The following CDH4 variants were observed in gnomAD, a reference collection of about 807,000 sequenced individuals.
The protein encoded by CDH4 is cadherin 4.
Under a neutral mutation model 86.0 loss-of-function variants are expected in CDH4, and 33 were observed. That is an observed-to-expected ratio of 0.38 (90% CI 0.29 to 0.51). The LOEUF is 0.51. CDH4 is among the 20% of genes least tolerant of loss of function. The pLI, the probability that CDH4 is intolerant of heterozygous loss-of-function variation, is 0.86. For missense variants in CDH4, 1,114 were observed against 1,307.4 expected, an observed-to-expected ratio of 0.85 and a Z score of 2.28; for synonymous variants, 555 against 549.4, an observed-to-expected ratio of 1.01 and a Z score of -0.14.
At chr20:61,719,249 C>T (rs894132401) in intron 2 of CDH4, 2 of 395,172 alleles carry the variant, frequency 5.1e-6, no homozygotes, top group African/African-American at 4.2e-5. Context: ...AGGATGCAAG[C>T]CACTGTTTAG....
In CDH4 at chr20:61,292,111, G is replaced by T. The variant is rs1268588815; in HGVS notation, c.169+37174G>T. Among the ~76,000 whole-genome samples, 5 of 152,160 alleles carry T rather than the reference G, an allele frequency of 3.3e-5. No individual in the cohort carries two copies. The East Asian group carries it at 9.6e-4, about 29-fold the overall frequency. The stretch of plus-strand genomic sequence containing the variant: ...ATAGCTCAAAGCAGAACTACCACTT[G>T]ATCCAGCAATCCCACTACTGGATAT... On this transcript the variant is annotated intron_variant, in intron 2 of 15. Coordinates refer to ENST00000614565, the MANE Select transcript of CDH4 (RefSeq NM_001794.5).
intron 5 of CDH4, among the ~76,000 whole-genome samples, chr20:61,850,765 C>T (rs1982682462): frequency 6.6e-6 from 1 of 152,248 alleles, no homozygotes; most frequent in African/African-American, 2.4e-5. Flanking sequence ...GGTGAGGTCA[C>T]CTCTCTCAGG....
At chr20:61,492,184 G>T (rs555774078) in intron 2 of CDH4, among the ~76,000 whole-genome samples, 1 of 150,286 alleles carries the variant, frequency 6.7e-6, no homozygotes, top group South Asian at 2.1e-4. Flanking sequence ...GTTGATATTG[G>T]TGGTGTTGAT....
chr20:61,366,586 C>T (rs544489928), intron 2 of CDH4, among the ~76,000 whole-genome samples: 1 of 152,348 alleles, frequency 6.6e-6, no homozygotes, highest in South Asian at 2.1e-4. Flanking sequence ...AAAAGTACCC[C>T]TTATGGGAAA....
At chr20:61,933,216 A>G in intron 14 of CDH4, 92 bp downstream of exon 14, 1 of 1,480,164 alleles carries the variant, frequency 6.8e-7, no homozygotes, top group Non-Finnish European at 9.2e-7. Flanking sequence ...GTTTAACAGT[A>G]AGACATTTCA....
Position 61,517,668 on chromosome 20 carries a change from A to C in CDH4, c.170-225895A>C, listed in dbSNP as rs2085832031. ...AGAATGACGGCAGCGCCGCTGTAGG[A>C]CCATGGAGGGAATGAACAAGGAGGG... On this transcript the variant is annotated intron_variant, in intron 2 of 15. Transcript: ENST00000614565. This position sits in a 1 kb window ranked among gnomAD's most constrained non-coding sequence, Gnocchi z 6.6. Among the ~76,000 whole-genome samples the C allele has an allele frequency of 6.7e-6, 1 of 150,340 alleles. No homozygotes were observed. The highest frequency in any genetic ancestry group is 6.6e-5 in the Admixed American group (1 of 15,124).
chr20:61,429,895 C>T (rs940524003), intron 2 of CDH4, among the ~76,000 whole-genome samples: 2 of 152,208 alleles, frequency 1.3e-5, no homozygotes, highest in Admixed American at 1.3e-4. Flanking sequence ...TGTAGCCTTC[C>T]TCTGGCTGGA....
Position 61,742,480 on chromosome 20 carries a change from A to G in CDH4, c.170-1083A>G, listed in dbSNP as rs1459735268. On this transcript the variant is annotated intron_variant, in intron 2 of 15. Transcript: ENST00000614565. ...GAGGGGAAAACACTTTATCTAATGT[A>G]ACAGTGAGTCGCTTTTTTTGGTTTC... is the stretch of plus-strand genomic sequence containing the variant. Among the ~76,000 whole-genome samples the G allele has an allele frequency of 2.6e-5, 4 of 152,226 alleles. No homozygotes were observed. In the East Asian group the frequency reaches 7.7e-4, roughly 29 times the overall value.
intron 3 of CDH4, among the ~76,000 whole-genome samples, chr20:61,753,949 G>T (rs548057572): frequency 2.1e-4 from 32 of 152,300 alleles, no homozygotes; most frequent in African/African-American, 7.2e-4. Context: ...TAGTGAAGAA[G>T]AAGTGATTAG....
In CDH4 at chr20:61,521,242, C is replaced by T. The variant is rs1176294751; in HGVS notation, c.170-222321C>T. On this transcript the variant is annotated intron_variant, in intron 2 of 15. Transcript: ENST00000614565. ...TCCTGCCAGATAGGCCCATTGGGAG[C>T]GGGTCTGTGCTCACAGCCTCCTCCA... 6.6e-5 allele frequency among the ~76,000 whole-genome samples: 10 copies of T among 152,176 alleles called. No homozygotes were observed. In the East Asian group the frequency reaches 9.6e-4, roughly 15 times the overall value.
At chr20:61,513,726 G>T (rs2085796988) in intron 2 of CDH4, among the ~76,000 whole-genome samples, 1 of 152,210 alleles carries the variant, frequency 6.6e-6, no homozygotes, top group African/African-American at 2.4e-5. Context: ...CAAGGAAGCT[G>T]TAACCAGCTG....
chr20:61,388,145 G>T (rs2084962336), intron 2 of CDH4, among the ~76,000 whole-genome samples: 1 of 152,184 alleles, frequency 6.6e-6, no homozygotes, highest in Admixed American at 6.5e-5. Flanking sequence ...AGACGGCAGG[G>T]CTGGCTGTTT....
At chr20:61,652,274 C>T (rs1321346668) in intron 2 of CDH4, among the ~76,000 whole-genome samples, 4 of 152,236 alleles carry the variant, frequency 2.6e-5, no homozygotes, top group Admixed American at 2.6e-4. Context: ...GTTCCTTCCA[C>T]CCTCTTACTC....
intron 11 of CDH4, among the ~76,000 whole-genome samples, chr20:61,926,269 C>T (rs189740340): frequency 4.6e-5 from 7 of 152,318 alleles, no homozygotes; most frequent in Admixed American, 2.0e-4. Context: ...AGTTAGGAAA[C>T]GGTGTGTGCA....
intron 2 of CDH4, among the ~76,000 whole-genome samples, chr20:61,686,431 A>G (rs1028192885): frequency 2.8e-5 from 4 of 144,866 alleles, no homozygotes; most frequent in Middle Eastern, 4.0e-3. Context: ...TTGCGTGTGT[A>G]TGTGCGTGTG....
intron 7 of CDH4, among the ~76,000 whole-genome samples, chr20:61,889,853 G>GGATGGATGGATA (rs1248660085): frequency 6.7e-6 from 1 of 149,428 alleles, no homozygotes. Context: ...GATAGATAAT[G>GGATGGATGGATA]GATGGATGGA....
chr20:61,298,983 C>G (rs1424605209), intron 2 of CDH4, among the ~76,000 whole-genome samples: 1 of 152,104 alleles, frequency 6.6e-6, no homozygotes, highest in African/African-American at 2.4e-5. Flanking sequence ...GTCAGAAGAT[C>G]ACTGAGCATT....
At chr20:61,652,797 G>GA (rs10668889) in intron 2 of CDH4, among the ~76,000 whole-genome samples, 40,432 of 127,412 alleles carry the variant, frequency 0.32, 6,495 homozygotes, top group Non-Finnish European at 0.41. Context: ...TTTTTCAAAT[G>GA]AAAAAAAAAA....
In CDH4 at chr20:61,488,242, T is replaced by A. The variant is rs547839051; in HGVS notation, c.169+233305T>A. On this transcript the variant is annotated intron_variant, in intron 2 of 15. Transcript: ENST00000614565. Reference sequence around the variant, plus strand: ...GCACAGAGTAGGTATTGTTCTGACCTCCAAAGAGCAAAGCACAGGGCAGGG... The same window carrying A: ...GCACAGAGTAGGTATTGTTCTGACCACCAAAGAGCAAAGCACAGGGCAGGG... 5.9e-5 allele frequency among the ~76,000 whole-genome samples: 9 copies of A among 152,300 alleles called. No individual in the cohort carries two copies. In the South Asian group the frequency reaches 1.9e-3, roughly 32 times the overall value.
Sources: gnomAD v4.1 joint callset for allele counts (sites outside exome capture counted in the v4.1 genomes callset) on GRCh38, gnomAD v4.1.1 for gene constraint, Gnocchi (gnomAD v3.1) non-coding constraint, MANE v1.5 for transcripts, NCBI Gene and HGNC (gene_info 2026-07-23, HGNC 2026-07-21) for gene names.